OSBPL10: variants seen among roughly 807,000 people sequenced by gnomAD.
OSBPL10 encodes oxysterol-binding protein-related protein 10.
OSBPL10 carries 49 observed loss-of-function variants against 81.7 expected under a neutral mutation model. The observed-to-expected ratio is 0.60, with a 90% CI of 0.48 to 0.76. OSBPL10 has a LOEUF of 0.76. Among genes scored for constraint, OSBPL10 ranks in the 30% least tolerant of loss-of-function variants. The pLI, the probability that OSBPL10 is intolerant of heterozygous loss-of-function variation, is 0.00. For synonymous variants in OSBPL10, 419 were observed against 383.6 expected (o/e 1.09, Z -1.08); for missense variants, 923 against 987.8 (o/e 0.93, Z 0.88).
chr3:31,842,224 T>C (rs550454283), intron 3 of OSBPL10, among the ~76,000 whole-genome samples: 1 of 152,280 alleles, frequency 6.6e-6, no homozygotes, highest in South Asian at 2.1e-4. Context: ...ATTTCGCTGT[T>C]TTGATTAAGG....
At chr3:31,664,437 C>T (rs578242241) in intron 10 of OSBPL10, 14 of 600,498 alleles carry the variant, frequency 2.3e-5, no homozygotes, top group Middle Eastern at 4.4e-4. Flanking sequence ...TTCTACTCTC[C>T]GCTTGTACCA....
At chr3:31,702,589 A>T in intron 6 of OSBPL10, 81 bp from the exon 7 acceptor site, 1 of 1,573,846 alleles carries the variant, frequency 6.4e-7, no homozygotes, top group Non-Finnish European at 8.7e-7. Context: ...CATGCTTTGC[A>T]ATGACAGAAG....
chr3:31,963,726 C>T (rs1437933702), intron 1 of OSBPL10, among the ~76,000 whole-genome samples: 12 of 152,158 alleles, frequency 7.9e-5, no homozygotes. Flanking sequence ...CCTGATTTCT[C>T]CAAGATATGA....
chr3:31,935,486 GA>G (rs1034206883), intron 1 of OSBPL10, among the ~76,000 whole-genome samples: 4 of 146,272 alleles, frequency 2.7e-5, no homozygotes, highest in African/African-American at 5.0e-5. Flanking sequence ...ACTAAAAGAA[GA>G]AAAAAAAATC....
chr3:31,820,595 G>A (rs775263852), intron 4 of OSBPL10, among the ~76,000 whole-genome samples: 3 of 151,218 alleles, frequency 2.0e-5, no homozygotes, highest in Non-Finnish European at 2.9e-5. Context: ...ACTCCATCTC[G>A]GGAGAAAAAA....
At chr3:31,838,886 C>A (rs1700428423) in intron 3 of OSBPL10, among the ~76,000 whole-genome samples, 1 of 152,176 alleles carries the variant, frequency 6.6e-6, no homozygotes. Flanking sequence ...GTTTGATGGG[C>A]AGTATGTATA....
intron 6 of OSBPL10, chr3:31,714,089 G>A (rs1053113890): frequency 4.6e-5 from 7 of 152,216 alleles, no homozygotes; most frequent in African/African-American, 1.7e-4. Flanking sequence ...AGTAAGCAAC[G>A]ATATGATTGC....
intron 2 of OSBPL10, among the ~76,000 whole-genome samples, chr3:31,986,811 C>G (rs1029639994): frequency 6.6e-6 from 1 of 151,932 alleles, no homozygotes; most frequent in Admixed American, 6.6e-5. Flanking sequence ...TCCAGACCAG[C>G]CTGGGCAACC....
At chr3:31,955,128 A>G (rs1697970508) in intron 1 of OSBPL10, among the ~76,000 whole-genome samples, 1 of 152,272 alleles carries the variant, frequency 6.6e-6, no homozygotes, top group African/African-American at 2.4e-5. Context: ...CCAGGCATCC[A>G]CTGGGGTTTA....
intron 1 of OSBPL10, among the ~76,000 whole-genome samples, chr3:32,050,977 A>T (rs1559555272): frequency 6.6e-6 from 1 of 152,212 alleles, no homozygotes; most frequent in East Asian, 1.9e-4. Context: ...GATTTTTTTT[A>T]AAAGCTCACT....
At chr3:31,779,843 C>G (rs1197033210) in intron 4 of OSBPL10, among the ~76,000 whole-genome samples, 1 of 152,120 alleles carries the variant, frequency 6.6e-6, no homozygotes, top group Non-Finnish European at 1.5e-5. Flanking sequence ...TAAATTATAT[C>G]AAGTACTCTC....
At position 31,812,796 on chromosome 3, in the gene OSBPL10, AAGAAAGAAAGAAAGAAAGAAAG is replaced by A. The variant is rs1559476445; in HGVS notation, c.729+17222_729+17243del. On this transcript the variant is annotated intron_variant, in intron 4 of 11. Coordinates refer to ENST00000396556, the MANE Select transcript of OSBPL10 (RefSeq NM_017784.5). ...AAAGAAAGAAAGAAAGAAAGAAAGA[AAGAAAGAAAGAAAGAAAGAAAG>A]AGAAAGAAAGAAAGAAAGAAAGAAA... Among the ~76,000 whole-genome samples the A allele has an allele frequency of 4.9e-3, 269 of 55,284 alleles. 3 individuals are homozygous for A. The highest frequency in any genetic ancestry group is 0.029 in the Middle Eastern group (3 of 104). The allele number at this position is 55,284 out of a possible 152,430, so 36.3% of individuals were successfully genotyped here. A position where few individuals can be genotyped will look rare whatever the true frequency, so the allele number is the denominator to read the frequency against.
At chr3:31,885,264 C>T (rs1455831552) in intron 1 of OSBPL10, among the ~76,000 whole-genome samples, 1 of 152,200 alleles carries the variant, frequency 6.6e-6, no homozygotes, top group African/African-American at 2.4e-5. Context: ...CACACAGGTA[C>T]TTGCATTCAT....
intron 2 of OSBPL10, among the ~76,000 whole-genome samples, chr3:32,010,518 T>G (rs1033673115): frequency 6.6e-6 from 1 of 152,190 alleles, no homozygotes; most frequent in Non-Finnish European, 1.5e-5. Context: ...GCATGAGCAA[T>G]GCAGAATATG....
chr3:32,042,256 A>C (rs1699582815), intron 2 of OSBPL10, among the ~76,000 whole-genome samples: 1 of 152,328 alleles, frequency 6.6e-6, no homozygotes, highest in South Asian at 2.1e-4. Flanking sequence ...TTAAGGACCC[A>C]GACATGGCAG....
chr3:31,883,936 T>C (rs529824289), intron 1 of OSBPL10, among the ~76,000 whole-genome samples: 2 of 152,244 alleles, frequency 1.3e-5, no homozygotes, highest in Admixed American at 6.5e-5. Context: ...TTGACTGGAA[T>C]GAAGCAAAGG....
rs1469699121 is a variant in OSBPL10 at position 31,660,918 on chromosome 3, C to T, written c.*1154G>A. ...AAAAGGCACAAAATTAGTATTACTA[C>T]AGAGAAGCATTCATGCTATTTGGAT... On this transcript the variant is annotated 3_prime_UTR_variant, in exon 12 of 12. Coordinates refer to ENST00000396556, the MANE Select transcript of OSBPL10 (RefSeq NM_017784.5). 2 of 152,634 alleles carry T rather than the reference C, an allele frequency of 1.3e-5. No homozygotes were observed. The highest frequency in any genetic ancestry group is 4.8e-5 in the African/African-American group (2 of 41,456). 9.5% of individuals were successfully genotyped at this position (152,634 alleles called of 1,614,324 possible). A position where few individuals can be genotyped will look rare whatever the true frequency, so the allele number is the denominator to read the frequency against.
chr3:31,999,218 G>C (rs1159124557), intron 2 of OSBPL10, among the ~76,000 whole-genome samples: 1 of 152,188 alleles, frequency 6.6e-6, no homozygotes, highest in Non-Finnish European at 1.5e-5. Flanking sequence ...AAAGGTATCA[G>C]TCTTTCCTGT....
At chr3:31,812,763 A>AACTTCTCC (rs1162569680) in intron 4 of OSBPL10, among the ~76,000 whole-genome samples, 1 of 47,194 alleles carries the variant, frequency 2.1e-5, no homozygotes, top group Non-Finnish European at 3.8e-5. Flanking sequence ...AGAAAGAAAG[A>AACTTCTCC]AAGAAAGAAA....
Sources: allele counts gnomAD v4.1 joint callset (sites outside exome capture counted in the v4.1 genomes callset), GRCh38; gene constraint gnomAD v4.1.1; transcripts MANE v1.5; gene names NCBI Gene and HGNC (gene_info 2026-07-23, HGNC 2026-07-21).